The following CCDC148 variants were observed in gnomAD, a reference collection of about 807,000 sequenced individuals.
CCDC148 encodes coiled-coil domain-containing protein 148.
In CCDC148, 89 loss-of-function variants were observed where a neutral mutation model predicts 85.7. The observed-to-expected ratio is 1.04, with a 90% CI of 0.87 to 1.24. The LOEUF is 1.24. Among genes scored for constraint, CCDC148 ranks in the 50% most tolerant of loss-of-function variants. The pLI is 0.00. For synonymous variants in CCDC148, 230 were observed against 213.9 expected (o/e 1.08, Z -0.66); for missense variants, 692 against 671.7 (o/e 1.03, Z -0.33).
intron 1 of CCDC148, among the ~76,000 whole-genome samples, chr2:158,367,774 G>A (rs906951009): frequency 7.2e-5 from 11 of 152,054 alleles, no homozygotes; most frequent in African/African-American, 1.2e-4. Flanking sequence ...TACTTTAATC[G>A]TTATATATAA....
At chr2:158,316,426 A>T (rs1692285723) in intron 7 of CCDC148, among the ~76,000 whole-genome samples, 1 of 152,210 alleles carries the variant, frequency 6.6e-6, no homozygotes, top group Non-Finnish European at 1.5e-5. Flanking sequence ...CATTAAAGTC[A>T]GATATTTCAA....
At position 158,178,948 on chromosome 2, in the gene CCDC148, CT is replaced by C; in HGVS notation, c.1418del (p.Lys473ArgfsTer18). The C allele has an allele frequency of 6.2e-7, 1 of 1,613,574 alleles. No homozygotes were observed. Among genetic ancestry groups the C allele is most frequent in the South Asian group, 1.1e-5 (1 of 91,060 alleles). On this transcript the variant is annotated frameshift_variant, in exon 12 of 14. Transcript: ENST00000283233. LOFTEE classifies it high-confidence loss of function. ...CATGAGCTTCTTGAAGGGCCACTTC[CT>C]TTTTCTCCATCAAACGCCTTTCCAA... ...ELLERRLMEK[K>X]EVALQEAHED...
At position 158,437,715 on chromosome 2, in the gene CCDC148, A is replaced by G. The variant is rs570621753; in HGVS notation, c.25+18700T>C. Among the ~76,000 whole-genome samples the G allele has an allele frequency of 1.1e-3, 167 of 152,332 alleles. 9 individuals carry two copies. The South Asian group carries it at 0.034, about 31-fold the overall frequency. On this transcript the variant is annotated intron_variant, in intron 1 of 13. Transcript: ENST00000283233. ...CCCTGTTTGCAGATGACATAATTGT[A>G]TATCTAGAAAACCCCATCGTCTCAG...
intron 1 of CCDC148, among the ~76,000 whole-genome samples, chr2:158,409,430 G>A (rs759254836): frequency 7.2e-5 from 11 of 152,220 alleles, no homozygotes; most frequent in Non-Finnish European, 1.2e-4. Context: ...TGGACTCAAA[G>A]GAGATCATTT....
chr2:158,232,187 T>C (rs1387347892), intron 10 of CCDC148, among the ~76,000 whole-genome samples: 1 of 152,182 alleles, frequency 6.6e-6, no homozygotes, highest in Non-Finnish European at 1.5e-5. Context: ...ATTATACTTC[T>C]GATTTGTATT....
At chr2:158,368,722 C>T (rs1047398940) in intron 1 of CCDC148, among the ~76,000 whole-genome samples, 5 of 152,060 alleles carry the variant, frequency 3.3e-5, no homozygotes, top group South Asian at 2.1e-4. Flanking sequence ...GGTTGAAAAA[C>T]ATTTTAGTGA....
At chr2:158,322,125 C>A (rs1279823043) in intron 7 of CCDC148, among the ~76,000 whole-genome samples, 1 of 152,062 alleles carries the variant, frequency 6.6e-6, no homozygotes, top group Non-Finnish European at 1.5e-5. Flanking sequence ...TTTTCATGCC[C>A]TTTGACTCAG....
chr2:158,375,017 T>C (rs1212319429), intron 1 of CCDC148, among the ~76,000 whole-genome samples: 1 of 151,434 alleles, frequency 6.6e-6, no homozygotes, highest in Non-Finnish European at 1.5e-5. Flanking sequence ...ATATTTTCTA[T>C]ATGAAGTTGT....
intron 11 of CCDC148, among the ~76,000 whole-genome samples, chr2:158,203,846 C>T (rs1686093791): frequency 6.6e-6 from 1 of 152,146 alleles, no homozygotes; most frequent in South Asian, 2.1e-4. Context: ...GAGATTTAAA[C>T]ATTAAAACCA....
intron 11 of CCDC148, among the ~76,000 whole-genome samples, chr2:158,181,949 G>A (rs1684925095): frequency 6.6e-6 from 1 of 151,864 alleles, no homozygotes; most frequent in South Asian, 2.1e-4. Context: ...TGGGGGAAGA[G>A]TACTCATAGG....
At chr2:158,231,298 ACTTTAT>A (rs1227689056) in intron 10 of CCDC148, among the ~76,000 whole-genome samples, 6 of 152,250 alleles carry the variant, frequency 3.9e-5, no homozygotes, top group South Asian at 4.1e-4. Flanking sequence ...TGTCAAACTT[ACTTTAT>A]CTTTAAGATG....
rs1684600682 is a variant in CCDC148 at position 158,176,601 on chromosome 2, C to T, written c.1549G>A (p.Ala517Thr). 1 of 1,612,132 alleles carries T rather than the reference C, an allele frequency of 6.2e-7. No homozygotes were observed. Among genetic ancestry groups the T allele is most frequent in the South Asian group, 1.1e-5 (1 of 91,024 alleles). The change falls in exon 13 of 14, where the codon GCT (alanine) becomes ACT (threonine). Residue 517 changes from alanine (A) to threonine (T), a missense_variant. Transcript: ENST00000283233. ...TCTTCAATTTCAATGCCCATTCTAGCTTTTGATGCCATTGTATCTGACATC... is the reference window on the plus strand; with the variant it reads ...TCTTCAATTTCAATGCCCATTCTAGTTTTTGATGCCATTGTATCTGACATC... Reference protein sequence around the residue: ...RMMSDTMASKARMGIEIEEEF... With the variant: ...RMMSDTMASKTRMGIEIEEEF...
At chr2:158,414,580 A>AT (rs1026005655) in intron 1 of CCDC148, among the ~76,000 whole-genome samples, 4 of 12,430 alleles carry the variant, frequency 3.2e-4, no homozygotes, top group East Asian at 8.3e-3. Flanking sequence ...TTAAAAGTAT[A>AT]AAAAAAAAAG....
intron 1 of CCDC148, among the ~76,000 whole-genome samples, chr2:158,403,231 A>C (rs1427517292): frequency 6.6e-6 from 1 of 152,006 alleles, no homozygotes; most frequent in Non-Finnish European, 1.5e-5. Flanking sequence ...TTAAACAGTC[A>C]AAATGTCTGT....
chr2:158,441,543 T>TTAA (rs141781452), intron 1 of CCDC148, among the ~76,000 whole-genome samples: 25,292 of 152,120 alleles, frequency 0.17, 2,253 homozygotes, highest in Middle Eastern at 0.21. Context: ...TGTTTTCCTC[T>TTAA]TAACATATTT....
chr2:158,234,902 T>TATGCTTGC (rs1347415609), intron 10 of CCDC148, among the ~76,000 whole-genome samples: 1 of 152,204 alleles, frequency 6.6e-6, no homozygotes, highest in East Asian at 1.9e-4. Context: ...TTGTATTTTG[T>TATGCTTGC]ATGCTTGCTT....
intron 11 of CCDC148, among the ~76,000 whole-genome samples, chr2:158,180,253 C>T (rs1479292089): frequency 6.6e-6 from 1 of 152,106 alleles, no homozygotes; most frequent in Non-Finnish European, 1.5e-5. Context: ...GCGTGTTCAC[C>T]CTGCATCAGG....
intron 1 of CCDC148, among the ~76,000 whole-genome samples, chr2:158,442,903 A>G (rs1034245503): frequency 1.3e-5 from 2 of 152,204 alleles, no homozygotes; most frequent in African/African-American, 2.4e-5. Context: ...TGCTGAGTGG[A>G]GAGACCAGAT....
chr2:158,224,516 G>C (rs1426674214), intron 10 of CCDC148, among the ~76,000 whole-genome samples: 1 of 152,144 alleles, frequency 6.6e-6, no homozygotes, highest in African/African-American at 2.4e-5. Flanking sequence ...ATAATTGTCA[G>C]ATTCACCAAA....
Sources: gnomAD v4.1 joint callset for allele counts (sites outside exome capture counted in the v4.1 genomes callset) on GRCh38, gnomAD v4.1.1 for gene constraint, MANE v1.5 for transcripts, NCBI Gene and HGNC (gene_info 2026-07-23, HGNC 2026-07-21) for gene names.